SSBP2: variants seen among roughly 807,000 people sequenced by gnomAD.
SSBP2 encodes single stranded DNA binding protein 2, also known as single-stranded DNA-binding protein 2.
In SSBP2, 17 loss-of-function variants were observed where a neutral mutation model predicts 61.8. That is an observed-to-expected ratio of 0.28 (90% confidence interval 0.19 to 0.41). The LOEUF (loss-of-function observed/expected upper bound fraction) is 0.41, where lower values mean the gene tolerates loss of function less well. SSBP2 is among the 10% of genes least tolerant of loss of function. SSBP2 has a pLI of 1.00. For missense variants in SSBP2, 310 were observed against 458.7 expected (o/e 0.68, Z 2.96); for synonymous variants, 139 against 141.3 (o/e 0.98, Z 0.12).
chr5:81,729,395 T>C (rs1174090887), intron 1 of SSBP2, among the ~76,000 whole-genome samples: 1 of 152,096 alleles, frequency 6.6e-6, no homozygotes, highest in Non-Finnish European at 1.5e-5. Context: ...TTGCAGCAAT[T>C]AGAAATAGGA....
intron 1 of SSBP2, among the ~76,000 whole-genome samples, chr5:81,745,530 A>T (rs961870123): frequency 1.3e-5 from 2 of 152,108 alleles, no homozygotes; most frequent in African/African-American, 4.8e-5. Flanking sequence ...AGTTCTTAAT[A>T]AAATTAATAT....
intron 4 of SSBP2, among the ~76,000 whole-genome samples, chr5:81,552,899 C>T (rs1772317136): frequency 1.3e-5 from 2 of 152,108 alleles, no homozygotes; most frequent in Non-Finnish European, 2.9e-5. Context: ...GATAATATTA[C>T]ACAGCATGTA....
intron 1 of SSBP2, among the ~76,000 whole-genome samples, chr5:81,668,240 T>C (rs1751311518): frequency 2.0e-5 from 2 of 99,948 alleles, no homozygotes; most frequent in South Asian, 6.1e-4. Flanking sequence ...AGAGCTTATA[T>C]GGAAGTTTAA....
chr5:81,751,050 C>T lies in SSBP2; in HGVS notation c.-8G>A. ...CTTGCCTTTGCCGTACATGCTTGTGCCGAGAGCAGCTCCCACTGTCACGCA... is the reference window on the plus strand; with the variant it reads ...CTTGCCTTTGCCGTACATGCTTGTGTCGAGAGCAGCTCCCACTGTCACGCA... On this transcript the variant is annotated 5_prime_UTR_variant, in exon 1 of 17. Transcript: ENST00000320672. 2 of 1,587,884 alleles carry T rather than the reference C, an allele frequency of 1.3e-6. No homozygotes were observed. Among genetic ancestry groups the T allele is most frequent in the Admixed American group, 1.8e-5 (1 of 56,528 alleles).
intron 10 of SSBP2, among the ~76,000 whole-genome samples, chr5:81,451,440 T>C (rs1041665324): frequency 1.4e-4 from 22 of 152,212 alleles, no homozygotes; most frequent in South Asian, 4.1e-4. Flanking sequence ...TTTATTTATT[T>C]TTTGAGATGG....
intron 1 of SSBP2, among the ~76,000 whole-genome samples, chr5:81,659,058 CA>C (rs1388062785): frequency 6.6e-6 from 1 of 152,146 alleles, no homozygotes; most frequent in Non-Finnish European, 1.5e-5. Context: ...TAGCCAATAT[CA>C]TACTGAATGG....
chr5:81,479,536 C>T (rs1321390661), intron 6 of SSBP2, among the ~76,000 whole-genome samples: 6 of 152,060 alleles, frequency 3.9e-5, no homozygotes, highest in African/African-American at 1.4e-4. Context: ...AAGTGATCCA[C>T]CCACCTCAGC....
At chr5:81,433,500 T>C (rs1762468276) in intron 15 of SSBP2, among the ~76,000 whole-genome samples, 1 of 151,500 alleles carries the variant, frequency 6.6e-6, no homozygotes, top group Non-Finnish European at 1.5e-5. Flanking sequence ...CTTTGTTCAC[T>C]TGTTTATCTG....
intron 1 of SSBP2, among the ~76,000 whole-genome samples, chr5:81,707,504 C>A (rs1754478824): frequency 6.6e-6 from 1 of 152,072 alleles, no homozygotes; most frequent in African/African-American, 2.4e-5. Flanking sequence ...AGGAGAGAGA[C>A]CTGGAACAGA....
At chr5:81,521,438 C>T (rs185725514) in intron 4 of SSBP2, among the ~76,000 whole-genome samples, 5 of 151,962 alleles carry the variant, frequency 3.3e-5, no homozygotes, top group Non-Finnish European at 7.4e-5. Flanking sequence ...AATTTTTATA[C>T]ATTTCTTAGT....
chr5:81,556,633 CCCTACTG>C (rs1164101894), intron 4 of SSBP2, among the ~76,000 whole-genome samples: 1 of 152,086 alleles, frequency 6.6e-6, no homozygotes, highest in African/African-American at 2.4e-5. Context: ...GGATCCTATT[CCCTACTG>C]CCTTTTCATG....
rs1406286648 is a variant in SSBP2, at chr5:81,549,476, G to A, written c.283-35759C>T. Among the ~76,000 whole-genome samples the A allele has an allele frequency of 5.9e-5, 9 of 152,080 alleles. No individual in the cohort carries two copies. In the East Asian group the frequency reaches 1.5e-3, roughly 26 times the overall value. On this transcript the variant is annotated intron_variant, in intron 4 of 16. Transcript: ENST00000320672. ...CAGGCCTTACTGCTACAACCTTCTCGCACGTATCCTACACATAACCTACTT... is the reference window on the plus strand; with the variant it reads ...CAGGCCTTACTGCTACAACCTTCTCACACGTATCCTACACATAACCTACTT...
intron 5 of SSBP2, among the ~76,000 whole-genome samples, chr5:81,497,416 C>T (rs7703060): frequency 7.2e-5 from 11 of 152,262 alleles, no homozygotes; most frequent in African/African-American, 2.6e-4. Flanking sequence ...TGATCACCAA[C>T]CCTAATGGAA....
At chr5:81,470,092 T>C (rs1278464955) in intron 8 of SSBP2, among the ~76,000 whole-genome samples, 1 of 151,906 alleles carries the variant, frequency 6.6e-6, no homozygotes, top group East Asian at 1.9e-4. Context: ...ATCATACATA[T>C]ATTGCCACCT....
At chr5:81,445,803 A>G (rs1342636286) in intron 12 of SSBP2, among the ~76,000 whole-genome samples, 1 of 152,142 alleles carries the variant, frequency 6.6e-6, no homozygotes, top group African/African-American at 2.4e-5. Flanking sequence ...ATAATTATTA[A>G]AATTTCCCAT....
At chr5:81,455,075 T>C (rs1434543756) in intron 10 of SSBP2, among the ~76,000 whole-genome samples, 1 of 152,134 alleles carries the variant, frequency 6.6e-6, no homozygotes, top group East Asian at 1.9e-4. Flanking sequence ...AGATCCTAAT[T>C]ATAACGTGTT....
intron 4 of SSBP2, among the ~76,000 whole-genome samples, chr5:81,524,334 A>G (rs547850434): frequency 6.6e-6 from 1 of 152,152 alleles, no homozygotes; most frequent in South Asian, 2.1e-4. Context: ...TCTAGGTAAG[A>G]GTCTGGCAGG....
At position 81,565,758 on chromosome 5, in the gene SSBP2, G is replaced by A. The variant is rs1215169344; in HGVS notation, c.282+49715C>T. ...AGAGTAGATACTTTAAAAGAAAACGGTAAGTGAAAGAAATACACATTTCAT... is the reference window on the plus strand; with the variant it reads ...AGAGTAGATACTTTAAAAGAAAACGATAAGTGAAAGAAATACACATTTCAT... On this transcript the variant is annotated intron_variant, in intron 4 of 16. Coordinates refer to ENST00000320672, the MANE Select transcript of SSBP2 (RefSeq NM_012446.5). Among the ~76,000 whole-genome samples the A allele has an allele frequency of 3.4e-4, 52 of 152,078 alleles. 1 individual carries two copies. Among genetic ancestry groups the A allele is most frequent in the Admixed American group, 3.4e-3 (52 of 15,266 alleles).
intron 10 of SSBP2, among the ~76,000 whole-genome samples, chr5:81,453,490 G>A (rs1763917813): frequency 8.0e-6 from 1 of 125,338 alleles, no homozygotes; most frequent in Admixed American, 9.7e-5. Context: ...ACGGAGTCTT[G>A]CCGTCGCCCA....
Sources: gnomAD v4.1 joint callset for allele counts (sites outside exome capture counted in the v4.1 genomes callset) on GRCh38, gnomAD v4.1.1 for gene constraint, MANE v1.5 for transcripts, NCBI Gene and HGNC (gene_info 2026-07-23, HGNC 2026-07-21) for gene names.